ATAD2B: variants seen among roughly 807,000 people sequenced by gnomAD.
ATAD2B encodes ATPase family AAA domain containing 2B.
In ATAD2B, 40 loss-of-function variants were observed where a neutral mutation model predicts 167.6. The ratio of observed to expected loss-of-function variants is 0.24; its 90% CI spans 0.19 to 0.31. The LOEUF (loss-of-function observed/expected upper bound fraction) is 0.31. Ranked by LOEUF, ATAD2B falls within the 10% of genes least tolerant of loss-of-function variation. ATAD2B has a pLI of 1.00. For missense variants in ATAD2B, 1,242 were observed against 1,757.2 expected, an observed-to-expected ratio of 0.71 and a Z score of 5.24; for synonymous variants, 579 against 596.5, an observed-to-expected ratio of 0.97 and a Z score of 0.43.
intron 18 of ATAD2B, 35 bp from the exon 19 acceptor site, chr2:23,798,358 A>G: frequency 6.7e-7 from 1 of 1,493,144 alleles, no homozygotes. Context: ...TAAACAACTC[A>G]AATTGATTAT....
At chr2:23,876,105 T>C (rs1696786369) in intron 7 of ATAD2B, among the ~76,000 whole-genome samples, 1 of 151,896 alleles carries the variant, frequency 6.6e-6, no homozygotes, top group African/African-American at 2.4e-5. Flanking sequence ...GCGATTCTCC[T>C]ACCTCAGCCT....
intron 13 of ATAD2B, among the ~76,000 whole-genome samples, chr2:23,835,793 C>T (rs541882345): frequency 2.6e-5 from 4 of 152,052 alleles, no homozygotes; most frequent in Admixed American, 1.3e-4. Flanking sequence ...AAAATTAGCT[C>T]GGTGCGGTGG....
At chr2:23,687,905 C>G in the ATAD2B span, among the ~76,000 whole-genome samples, 2 of 151,588 alleles carry the variant, frequency 1.3e-5, no homozygotes, top group African/African-American at 4.9e-5. Context: ...GTAAAGATGA[C>G]AGTCAGACCA....
chr2:23,819,789 G>T lies in ATAD2B; in HGVS notation c.2225C>A (p.Ser742Ter). ...NCHSGSPKKQSSSAAIHKPYL... is the reference protein window; with the variant it reads ...NCHSGSPKKQ Reference sequence around the variant, plus strand: ...GGGTTTATGTATAGCAGCAGATGATGACTGTTTCTTTGGTGATCCTGAGTG... The same window carrying T: ...GGGTTTATGTATAGCAGCAGATGATTACTGTTTCTTTGGTGATCCTGAGTG... The change falls in exon 17 of 28, where the codon TCA (serine) becomes TAA (stop). Residue 742 changes from serine (S) to a stop codon, truncating the protein, a stop_gained. Transcript: ENST00000238789. LOFTEE classifies it high-confidence loss of function. The T allele has an allele frequency of 6.2e-7, 1 of 1,610,460 alleles. No individual in the cohort carries two copies. The highest frequency in any genetic ancestry group is 1.1e-5 in the South Asian group (1 of 90,862).
intron 1 of ATAD2B, among the ~76,000 whole-genome samples, chr2:23,913,601 C>T (rs1702605037): frequency 6.7e-6 from 1 of 149,586 alleles, no homozygotes; most frequent in Admixed American, 6.7e-5. Flanking sequence ...GATCATGCCA[C>T]TGCACTCCAG....
chr2:23,818,636 T>C (rs866187155), intron 17 of ATAD2B, among the ~76,000 whole-genome samples: 1 of 152,174 alleles, frequency 6.6e-6, no homozygotes, highest in Non-Finnish European at 1.5e-5. Flanking sequence ...AAAATCTACA[T>C]GGGAAAACTT....
At chr2:23,821,576 T>C (rs1221934506) in intron 16 of ATAD2B, among the ~76,000 whole-genome samples, 1 of 152,194 alleles carries the variant, frequency 6.6e-6, no homozygotes, top group African/African-American at 2.4e-5. Context: ...GAAGAATTCA[T>C]TGAACAATAT....
At chr2:23,814,112 A>G (rs1171810591) in intron 17 of ATAD2B, among the ~76,000 whole-genome samples, 1 of 152,160 alleles carries the variant, frequency 6.6e-6, no homozygotes, top group Non-Finnish European at 1.5e-5. Context: ...AAAAACATAA[A>G]AAGAAAATTT....
At chr2:23,895,724 C>T (rs1232374362) in intron 2 of ATAD2B, 95 bp downstream of exon 2, 7 of 847,672 alleles carry the variant, frequency 8.3e-6, no homozygotes, top group Middle Eastern at 2.4e-4. Flanking sequence ...TTACAAGATA[C>T]TTATTTTATA....
At chr2:23,703,634 T>C in the ATAD2B span, 3 of 1,431,200 alleles carry the variant, frequency 2.1e-6, no homozygotes, top group Non-Finnish European at 2.8e-6. Flanking sequence ...TCGAGCTTCC[T>C]TCCCTGGAGG....
chr2:23,801,230 G>GA (rs558295418), intron 18 of ATAD2B, among the ~76,000 whole-genome samples: 43 of 147,796 alleles, frequency 2.9e-4, no homozygotes, highest in Non-Finnish European at 5.0e-4. Context: ...TAAGCAACAG[G>GA]AAAAAAAAAA....
the ATAD2B span, among the ~76,000 whole-genome samples, chr2:23,681,221 G>T: frequency 1.2e-4 from 19 of 152,378 alleles, no homozygotes; most frequent in African/African-American, 4.3e-4. This position sits in a 1 kb window ranked among gnomAD's most constrained non-coding sequence, Gnocchi z 4.2. Flanking sequence ...GGCCTGCTGG[G>T]AATCCCCTGG....
intron 14 of ATAD2B, among the ~76,000 whole-genome samples, 187 bp from the exon 15 acceptor site, chr2:23,829,126 C>G (rs578115748): frequency 1.0e-4 from 15 of 147,334 alleles, no homozygotes; most frequent in African/African-American, 3.8e-4. Flanking sequence ...AACAATAAAT[C>G]TGGGAGATAT....
intron 17 of ATAD2B, among the ~76,000 whole-genome samples, chr2:23,814,758 A>G (rs528989838): frequency 6.6e-6 from 1 of 152,262 alleles, no homozygotes; most frequent in Admixed American, 6.5e-5. Context: ...AAGCCACGTT[A>G]AAAGTTTGGA....
chr2:23,784,687 T>A (rs1409496083), intron 21 of ATAD2B, among the ~76,000 whole-genome samples: 1 of 151,390 alleles, frequency 6.6e-6, no homozygotes, highest in East Asian at 1.9e-4. Context: ...AATAGGGGAG[T>A]GGAAGAAAGG....
intron 8 of ATAD2B, chr2:23,872,716 G>T: frequency 8.5e-7 from 1 of 1,173,298 alleles, no homozygotes; most frequent in Non-Finnish European, 1.3e-6. Context: ...CTGCTTTACT[G>T]AGATCAGTCA....
chr2:23,807,844 T>TATAA (rs1553397868), intron 18 of ATAD2B, among the ~76,000 whole-genome samples: 23 of 131,170 alleles, frequency 1.8e-4, no homozygotes, highest in African/African-American at 5.4e-4. Flanking sequence ...TATATATATA[T>TATAA]AATAAAATAT....
chr2:23,760,833 A>T (rs905483391), intron 24 of ATAD2B, among the ~76,000 whole-genome samples: 2 of 148,624 alleles, frequency 1.3e-5, no homozygotes, highest in Admixed American at 6.7e-5. Flanking sequence ...CTTTAGAGTC[A>T]ATTTTTATAG....
At chr2:23,880,293 G>C (rs573532797) in intron 7 of ATAD2B, among the ~76,000 whole-genome samples, 1 of 152,114 alleles carries the variant, frequency 6.6e-6, no homozygotes, top group African/African-American at 2.4e-5. Context: ...AAAAAATACA[G>C]TACATAAAAC....
Sources: gnomAD v4.1 joint callset for allele counts (sites outside exome capture counted in the v4.1 genomes callset) on GRCh38, gnomAD v4.1.1 for gene constraint, Gnocchi (gnomAD v3.1) non-coding constraint, MANE v1.5 for transcripts, NCBI Gene and HGNC (gene_info 2026-07-23, HGNC 2026-07-21) for gene names.